TRAPPC9: variants seen among roughly 807,000 people sequenced by gnomAD.
TRAPPC9 encodes the protein trafficking protein particle complex subunit 9.
In TRAPPC9, 83 loss-of-function variants were observed where a neutral mutation model predicts 124.0. That is an observed-to-expected ratio of 0.67 (90% CI 0.56 to 0.80). TRAPPC9 has a LOEUF of 0.80. TRAPPC9 is among the 30% of genes least tolerant of loss of function. TRAPPC9 has a pLI of 0.00. For missense variants in TRAPPC9, 1,302 were observed against 1,508.3 expected, an observed-to-expected ratio of 0.86 and a Z score of 2.27; for synonymous variants, 638 against 617.5, an observed-to-expected ratio of 1.03 and a Z score of -0.49.
rs142392150 is a variant in TRAPPC9 at position 140,403,511 on chromosome 8, G to A, written c.1008+2066C>T. On this transcript the variant is annotated intron_variant, in intron 6 of 22. Transcript: ENST00000438773. ...CCCACCCACCTAGGCTTCCCAAAGTGCTGGGATTACAGGCATGAGCCAATG... is the reference window on the plus strand; with the variant it reads ...CCCACCCACCTAGGCTTCCCAAAGTACTGGGATTACAGGCATGAGCCAATG... 1.4e-4 allele frequency among the ~76,000 whole-genome samples: 22 copies of A among 152,180 alleles called. No individual in the cohort carries two copies. The East Asian group carries it at 4.2e-3, about 29-fold the overall frequency.
chr8:139,817,934 T>C (rs1029610499), intron 21 of TRAPPC9, among the ~76,000 whole-genome samples: 4 of 152,244 alleles, frequency 2.6e-5, no homozygotes, highest in Non-Finnish European at 5.9e-5. Context: ...CAAAGACAAA[T>C]AGGAGGATCA....
In TRAPPC9 at chr8:140,446,293, C is replaced by CAAA. The variant is rs59393001; in HGVS notation, c.584+4494_584+4496dup. Among the ~76,000 whole-genome samples, 907 of 110,310 alleles carry CAAA rather than the reference C, an allele frequency of 8.2e-3. 42 individuals are homozygous for CAAA. The highest frequency in any genetic ancestry group is 0.019 in the African/African-American group (546 of 28,782). 72.4% of individuals were successfully genotyped at this position (110,310 alleles called of 152,430 possible). On this transcript the variant is annotated intron_variant, in intron 2 of 22. Coordinates refer to ENST00000438773, the MANE Select transcript of TRAPPC9 (RefSeq NM_001160372.4). The stretch of plus-strand genomic sequence containing the variant: ...TGGGCGAAAGAGTAAGACTCTGTCT[C>CAAA]AAAAAAAAAAAAAAAAAAAGCAGAC...
At chr8:140,278,639 T>A (rs778495208) in intron 14 of TRAPPC9, among the ~76,000 whole-genome samples, 3 of 152,226 alleles carry the variant, frequency 2.0e-5, no homozygotes, top group Non-Finnish European at 4.4e-5. Context: ...CATCTCTGTA[T>A]GGCTGCCTGG....
chr8:140,274,758 A>G (rs2065061364), intron 15 of TRAPPC9, among the ~76,000 whole-genome samples: 2 of 152,158 alleles, frequency 1.3e-5, no homozygotes, highest in Non-Finnish European at 2.9e-5. Flanking sequence ...TCGCATTATA[A>G]TGTCATTAGC....
intron 21 of TRAPPC9, among the ~76,000 whole-genome samples, chr8:139,811,266 C>T (rs949195622): frequency 6.6e-6 from 1 of 151,922 alleles, no homozygotes; most frequent in Non-Finnish European, 1.5e-5. Context: ...TTCCAGGAAG[C>T]AGTATAAGCA....
rs533442246 is a variant in TRAPPC9 at position 140,126,371 on chromosome 8, C to A, written c.2556+95088G>T. 2.0e-4 allele frequency among the ~76,000 whole-genome samples: 31 copies of A among 152,208 alleles called. 1 individual carries two copies. In the South Asian group the frequency reaches 2.7e-3, roughly 13 times the overall value. ...CATTTCAGAACCAGACTCTCAGGCA[C>A]CAGGTTCCAAACAAAGACGTTAACG... On this transcript the variant is annotated intron_variant, in intron 17 of 22. Coordinates refer to ENST00000438773, the MANE Select transcript of TRAPPC9 (RefSeq NM_001160372.4).
chr8:139,740,412 G>A (rs1818474374), intron 21 of TRAPPC9, among the ~76,000 whole-genome samples: 2 of 152,254 alleles, frequency 1.3e-5, no homozygotes, highest in Admixed American at 1.3e-4. Flanking sequence ...GCCAGCCTGT[G>A]CATGGGGCCA....
chr8:139,958,562 A>G (rs1021911018), intron 19 of TRAPPC9, among the ~76,000 whole-genome samples: 7 of 152,138 alleles, frequency 4.6e-5, no homozygotes, highest in African/African-American at 7.2e-5. Context: ...CAGAGCCATC[A>G]CTCAGTAAAA....
chr8:140,425,540 G>A (rs1333834306), intron 5 of TRAPPC9, among the ~76,000 whole-genome samples: 1 of 152,010 alleles, frequency 6.6e-6, no homozygotes, highest in Non-Finnish European at 1.5e-5. Flanking sequence ...CTCAACAAAC[G>A]CCTGATTTTT....
At chr8:140,355,199 C>T (rs2067703518) in intron 9 of TRAPPC9, among the ~76,000 whole-genome samples, 1 of 152,188 alleles carries the variant, frequency 6.6e-6, no homozygotes, top group Non-Finnish European at 1.5e-5. Flanking sequence ...CACCTGACAC[C>T]TCTAGAGGGT....
At chr8:139,890,294 C>T (rs760937098) in intron 20 of TRAPPC9, among the ~76,000 whole-genome samples, 19 of 152,238 alleles carry the variant, frequency 1.2e-4, no homozygotes, top group Middle Eastern at 3.2e-3. Flanking sequence ...TCGTGCTCTC[C>T]GTTCCGAGCA....
intron 20 of TRAPPC9, among the ~76,000 whole-genome samples, chr8:139,889,905 C>T (rs887682863): frequency 3.9e-5 from 6 of 152,314 alleles, no homozygotes; most frequent in African/African-American, 9.6e-5. Flanking sequence ...ATTCATTTTG[C>T]GTCAGTGGCC....
chr8:140,257,536 G>T lies in TRAPPC9; in HGVS notation c.2279-4607C>A, dbSNP rs2064298443. 6.6e-6 allele frequency among the ~76,000 whole-genome samples: 1 copy of T among 152,176 alleles called. No individual in the cohort carries two copies. Among genetic ancestry groups the T allele is most frequent in the Non-Finnish European group, 1.5e-5 (1 of 68,026 alleles). On this transcript the variant is annotated intron_variant, in intron 15 of 22. Coordinates refer to ENST00000438773, the MANE Select transcript of TRAPPC9 (RefSeq NM_001160372.4). This position sits in a 1 kb window ranked among gnomAD's most constrained non-coding sequence, Gnocchi z 4.6. ...CCGTGCCATGCGAGCGCACAGGGGA[G>T]GGAGGAAAGAAGCACACGTCCTTTC...
chr8:139,954,976 C>G (rs1037638645), intron 19 of TRAPPC9, among the ~76,000 whole-genome samples: 8 of 152,156 alleles, frequency 5.3e-5, no homozygotes, highest in Non-Finnish European at 7.3e-5. Flanking sequence ...ATTGGTCTTA[C>G]AATTTGGCAT....
At chr8:139,813,179 G>C (rs1459805905) in intron 21 of TRAPPC9, among the ~76,000 whole-genome samples, 1 of 152,210 alleles carries the variant, frequency 6.6e-6, no homozygotes, top group Non-Finnish European at 1.5e-5. Context: ...AACATAAAGA[G>C]GAGGCAAACT....
At chr8:140,454,989 C>T (rs1252857271) in intron 1 of TRAPPC9, among the ~76,000 whole-genome samples, 1 of 150,140 alleles carries the variant, frequency 6.7e-6, no homozygotes, top group African/African-American at 2.4e-5. Flanking sequence ...GTATCTGAGA[C>T]TAAGCTAATA....
chr8:140,215,471 C>T (rs1412488259), intron 17 of TRAPPC9, among the ~76,000 whole-genome samples: 2 of 151,926 alleles, frequency 1.3e-5, no homozygotes, highest in East Asian at 3.9e-4. Context: ...AGTGAAACCC[C>T]ATCTCTACTA....
intron 15 of TRAPPC9, among the ~76,000 whole-genome samples, chr8:140,260,769 C>G (rs1320266552): frequency 4.6e-5 from 7 of 152,222 alleles, no homozygotes; most frequent in African/African-American, 1.7e-4. Flanking sequence ...CAAAGCCCAA[C>G]AGCTAATAAG....
chr8:139,918,518 C>T (rs931734581), intron 19 of TRAPPC9, among the ~76,000 whole-genome samples: 2 of 152,214 alleles, frequency 1.3e-5, no homozygotes, highest in South Asian at 2.1e-4. Flanking sequence ...GTGAGCAAAC[C>T]GGCCAGAGCG....
Sources: allele counts gnomAD v4.1 joint callset (sites outside exome capture counted in the v4.1 genomes callset), GRCh38; gene constraint gnomAD v4.1.1; non-coding constraint Gnocchi (gnomAD v3.1); transcripts MANE v1.5; gene names NCBI Gene and HGNC (gene_info 2026-07-23, HGNC 2026-07-21).